Variants in PRDM12 observed in about 807,000 individuals in gnomAD.
PRDM12 encodes the protein PR/SET domain 12.
PRDM12 carries 17 observed loss-of-function variants against 29.6 expected under a neutral mutation model. The ratio of observed to expected loss-of-function variants is 0.57; its 90% confidence interval spans 0.39 to 0.86. PRDM12 has a LOEUF of 0.86. Among genes scored for constraint, PRDM12 ranks in the 40% least tolerant of loss-of-function variants. The probability of loss-of-function intolerance (pLI) is 0.00; values close to 1 mark genes in which losing one functional copy is unlikely to be tolerated. For missense variants in PRDM12, 422 were observed against 510.8 expected (o/e 0.83, Z 1.68); for synonymous variants, 231 against 225.8 (o/e 1.02, Z -0.21).
rs562893555 is a variant in PRDM12 at position 130,667,568 on chromosome 9, A to G, written c.415-590A>G. Among the ~76,000 whole-genome samples the G allele has an allele frequency of 2.0e-5, 3 of 151,898 alleles. No individual in the cohort carries two copies. The East Asian group carries it at 5.9e-4, about 30-fold the overall frequency. The stretch of plus-strand genomic sequence containing the variant: ...GGACCCTGGAGAAGCCCAACTTGAT[A>G]GAACTGCGGGATGGCCCAGAGGCCT... On this transcript the variant is annotated intron_variant, in intron 2 of 4. Transcript: ENST00000253008.
intron 3 of PRDM12, among the ~76,000 whole-genome samples, chr9:130,677,247 G>T (rs1830851399): frequency 6.6e-6 from 1 of 152,118 alleles, no homozygotes; most frequent in Admixed American, 6.6e-5. Context: ...TCTTTTCAGG[G>T]GTGAGCAGAG....
At chr9:130,665,872 G>C (rs919585581) in intron 1 of PRDM12, among the ~76,000 whole-genome samples, 6 of 152,186 alleles carry the variant, frequency 3.9e-5, no homozygotes, top group South Asian at 2.1e-4. Flanking sequence ...TTCCAGCCCT[G>C]CCGCAGATGC....
rs1175210523 is a variant in PRDM12, at chr9:130,678,416, T to C, written c.571-113T>C. Reference sequence around the variant, plus strand: ...GTGGAAATGGGACTGTGTGGCTTTCTCAGGGCTGAGACTGGGTCCGGGTCT... The same window carrying C: ...GTGGAAATGGGACTGTGTGGCTTTCCCAGGGCTGAGACTGGGTCCGGGTCT... On this transcript the variant is annotated intron_variant, in intron 3 of 4. Coordinates refer to ENST00000253008, the MANE Select transcript of PRDM12 (RefSeq NM_021619.3). 2.2e-5 allele frequency: 16 copies of C among 738,998 alleles called. No individual in the cohort carries two copies. In the South Asian group the frequency reaches 2.6e-4, roughly 12 times the overall value. The allele number at this position is 738,998 out of a possible 1,614,324, so 45.8% of individuals were successfully genotyped here.
chr9:130,678,464 G>A (rs1056154487), intron 3 of PRDM12, 65 bp from the exon 4 acceptor site: 1 of 1,224,016 alleles, frequency 8.2e-7, no homozygotes, highest in Non-Finnish European at 1.2e-6. Context: ...GGGGTGCTCA[G>A]AGACCCCCAA....
At chr9:130,667,144 C>G (rs188994800) in intron 2 of PRDM12, among the ~76,000 whole-genome samples, 1 of 152,242 alleles carries the variant, frequency 6.6e-6, no homozygotes, top group Non-Finnish European at 1.5e-5. Flanking sequence ...CTCTTCCCAG[C>G]CACTTACATT....
chr9:130,667,374 G>A (rs1201135304), intron 2 of PRDM12, among the ~76,000 whole-genome samples: 1 of 152,194 alleles, frequency 6.6e-6, no homozygotes, highest in African/African-American at 2.4e-5. Flanking sequence ...GAGGCTCCAA[G>A]AGGCTTCCAT....
chr9:130,676,105 T>C (rs1170944510), intron 3 of PRDM12, among the ~76,000 whole-genome samples: 1 of 152,172 alleles, frequency 6.6e-6, no homozygotes, highest in African/African-American at 2.4e-5. Flanking sequence ...AATATTTCAA[T>C]TCCATTATCT....
chr9:130,676,545 C>T (rs928767133), intron 3 of PRDM12, among the ~76,000 whole-genome samples: 2 of 152,202 alleles, frequency 1.3e-5, no homozygotes, highest in African/African-American at 2.4e-5. Context: ...ATCAGAACCT[C>T]TTTCTTCTCT....
intron 3 of PRDM12, among the ~76,000 whole-genome samples, chr9:130,676,192 G>A (rs549820343): frequency 1.4e-4 from 21 of 152,030 alleles, no homozygotes; most frequent in Non-Finnish European, 2.4e-4. Flanking sequence ...TTTTAAAAAT[G>A]TAAAAAACAA....
chr9:130,677,532 C>T (rs761158159), intron 3 of PRDM12, among the ~76,000 whole-genome samples: 13 of 152,230 alleles, frequency 8.5e-5, no homozygotes, highest in Non-Finnish European at 1.5e-4. Context: ...CTGGGCACAT[C>T]GGATAGTGGC....
intron 3 of PRDM12, among the ~76,000 whole-genome samples, chr9:130,674,196 G>A (rs1386828680): frequency 1.3e-5 from 2 of 151,240 alleles, no homozygotes; most frequent in African/African-American, 4.9e-5. Context: ...TGTATTTTTA[G>A]TAGAGACAGG....
chr9:130,680,659 A>ATATATATATATTTTTTTTTTT, intron 4 of PRDM12, among the ~76,000 whole-genome samples: 8 of 72,168 alleles, frequency 1.1e-4, no homozygotes, highest in Admixed American at 1.9e-4. Flanking sequence ...ATATATATAT[A>ATATATATATATTTTTTTTTTT]TTTTTTTTTT....
chr9:130,678,780 C>T, intron 4 of PRDM12, 140 bp downstream of exon 4: 1 of 676,646 alleles, frequency 1.5e-6, no homozygotes, highest in South Asian at 1.9e-5. Context: ...TTGAGCAGAT[C>T]AGACATACAG....
At chr9:130,679,540 C>A (rs148185845) in intron 4 of PRDM12, among the ~76,000 whole-genome samples, 120 of 152,142 alleles carry the variant, frequency 7.9e-4, no homozygotes, top group African/African-American at 2.8e-3. Context: ...GTTATGTTGG[C>A]CAAGCTAGTC....
Position 130,666,742 on chromosome 9 carries a change from C to T in PRDM12, c.358C>T (p.Arg120Cys). 1.2e-6 allele frequency: 2 copies of T among 1,612,866 alleles called. No homozygotes were observed. Among genetic ancestry groups the T allele is most frequent in the South Asian group, 1.1e-5 (1 of 90,898 alleles). Residue 120 changes from arginine (R) to cysteine (C), a missense_variant, in exon 2 of 5, where the codon CGC (arginine) becomes TGC (cysteine). Physicochemically the swap from Arg to Cys is radical, Grantham distance 180. Around this residue, in one of 5 missense-constraint regions of PRDM12, gnomAD observed 300 missense variants for 350.0 expected, o/e 0.86. Coordinates refer to ENST00000253008, the MANE Select transcript of PRDM12 (RefSeq NM_021619.3). ...AACCGAGATGGGCCCCTTCACCGGC[C>T]GCGTGATCGCCCCGGAGCACGTGGA... Reference protein sequence around the residue: ...AGTEMGPFTGRVIAPEHVDIC... With the variant: ...AGTEMGPFTGCVIAPEHVDIC...
At chr9:130,666,990 A>G (rs1431210695) in intron 2 of PRDM12, among the ~76,000 whole-genome samples, 192 bp downstream of exon 2, 1 of 152,126 alleles carries the variant, frequency 6.6e-6, no homozygotes, top group African/African-American at 2.4e-5. Flanking sequence ...GCTCCTCCCA[A>G]CCCGTGCCGA....
At chr9:130,675,853 C>T (rs1374599094) in intron 3 of PRDM12, among the ~76,000 whole-genome samples, 1 of 152,184 alleles carries the variant, frequency 6.6e-6, no homozygotes, top group Non-Finnish European at 1.5e-5. Context: ...AGAACCATGA[C>T]ATCAACGTGT....
At chr9:130,674,492 T>TTGTGTG (rs58489448) in intron 3 of PRDM12, among the ~76,000 whole-genome samples, 10,900 of 142,740 alleles carry the variant, frequency 0.076, 460 homozygotes, top group East Asian at 0.15. Flanking sequence ...AAAAGATAAT[T>TTGTGTG]TGTGTGTGTG....
At chr9:130,680,399 C>T (rs1206735387) in intron 4 of PRDM12, among the ~76,000 whole-genome samples, 1 of 151,316 alleles carries the variant, frequency 6.6e-6, no homozygotes, top group African/African-American at 2.4e-5. Flanking sequence ...CTTTGGGAGG[C>T]CGAGGTGGGT....
Sources: gnomAD v4.1 joint callset for allele counts (sites outside exome capture counted in the v4.1 genomes callset) on GRCh38, gnomAD v4.1.1 for gene constraint, gnomAD v4.1.1 regional missense constraint, MANE v1.5 for transcripts, NCBI Gene and HGNC (gene_info 2026-07-23, HGNC 2026-07-21) for gene names.